The following DOCK1 variants were observed in gnomAD, a reference collection of about 807,000 sequenced individuals.
DOCK1 encodes the protein dedicator of cytokinesis 1, also known as dedicator of cytokinesis protein 1.
Under a neutral mutation model 262.7 loss-of-function variants are expected in DOCK1, and 138 were observed. The observed-to-expected ratio is 0.53, with a 90% CI of 0.46 to 0.61. The LOEUF (loss-of-function observed/expected upper bound fraction) is 0.61. Among genes scored for constraint, DOCK1 ranks in the 20% least tolerant of loss-of-function variants. The pLI is 0.00. For synonymous variants in DOCK1, 866 were observed against 867.4 expected (o/e 1.00, Z 0.03); for missense variants, 1,908 against 2,370.7 (o/e 0.80, Z 4.05).
chr10:127,196,563 C>T (rs2057170464), intron 27 of DOCK1, among the ~76,000 whole-genome samples: 1 of 146,670 alleles, frequency 6.8e-6, no homozygotes, highest in African/African-American at 2.5e-5. Context: ...GCCTGTGCGC[C>T]CGGCTGGCAC....
chr10:127,004,730 T>C (rs374165447), intron 10 of DOCK1, among the ~76,000 whole-genome samples: 9 of 144,378 alleles, frequency 6.2e-5, no homozygotes, highest in African/African-American at 2.3e-4. Flanking sequence ...CAGCCTGGGC[T>C]ACAGAGTCAT....
chr10:127,046,866 C>G (rs1226114889), intron 21 of DOCK1, among the ~76,000 whole-genome samples: 2 of 151,590 alleles, frequency 1.3e-5, no homozygotes, highest in African/African-American at 4.8e-5. Context: ...GTGTCTTATT[C>G]CATAACCTGA....
chr10:126,905,532 GC>G lies in DOCK1; in HGVS notation c.18del (p.Thr7ProfsTer33). Reference protein sequence around the residue: MTRWVPTKREEKYGVA... With the variant: MTRWVXTKREEKYGVA... Reference sequence around the variant, plus strand: ...CCGGCGGCGCCATGACGCGCTGGGTGCCCACCAAGCGCGAGGAGAAGTACGG... The same window carrying G: ...CCGGCGGCGCCATGACGCGCTGGGTGCCACCAAGCGCGAGGAGAAGTACGG... On this transcript the variant is annotated frameshift_variant, in exon 1 of 52. Coordinates refer to ENST00000623213, the MANE Select transcript of DOCK1 (RefSeq NM_001290223.2). LOFTEE classifies it high-confidence loss of function. 1.9e-6 allele frequency: 1 copy of G among 520,856 alleles called. No homozygotes were observed. The allele number at this position is 520,856 out of a possible 1,614,324, so 32.3% of individuals were successfully genotyped here.
In DOCK1 at chr10:127,175,268, G is replaced by C; in HGVS notation, c.2847+47504G>C. The C allele has an allele frequency of 1.9e-6, 3 of 1,614,068 alleles. No homozygotes were observed. The highest frequency in any genetic ancestry group is 2.5e-6 in the Non-Finnish European group (3 of 1,180,014). The stretch of plus-strand genomic sequence containing the variant: ...CCTGAATGACCCCCAAGAGCACTTT[G>C]ATGGTTTCTTGGCTTGAACTGATCA... On this transcript the variant is annotated intron_variant, in intron 27 of 51. Coordinates refer to ENST00000623213, the MANE Select transcript of DOCK1 (RefSeq NM_001290223.2). The surrounding 1 kb of genome is among the most constrained non-coding windows in gnomAD (Gnocchi z 6.3).
intron 1 of DOCK1, among the ~76,000 whole-genome samples, chr10:126,942,539 T>C (rs1212257611): frequency 1.3e-5 from 2 of 152,096 alleles, no homozygotes; most frequent in African/African-American, 4.8e-5. Flanking sequence ...GCGAGAGGAA[T>C]GGATGGAGCT....
intron 23 of DOCK1, among the ~76,000 whole-genome samples, chr10:127,086,275 G>A (rs942966828): frequency 2.0e-5 from 3 of 147,590 alleles, no homozygotes; most frequent in African/African-American, 7.6e-5. Context: ...TCTTCATTAT[G>A]TGACCACCCA....
At chr10:127,189,982 C>T (rs1178630644) in intron 27 of DOCK1, among the ~76,000 whole-genome samples, 1 of 152,116 alleles carries the variant, frequency 6.6e-6, no homozygotes, top group African/African-American at 2.4e-5. Context: ...CATGCTGGCC[C>T]GATGAACTCT....
chr10:127,082,053 A>G (rs950933217), intron 23 of DOCK1, among the ~76,000 whole-genome samples: 4 of 152,046 alleles, frequency 2.6e-5, no homozygotes, highest in Admixed American at 2.0e-4. Context: ...ATCCATCCCT[A>G]AACTACAGGA....
At chr10:127,324,525 T>TG (rs2062675584) in intron 29 of DOCK1, among the ~76,000 whole-genome samples, 1 of 152,132 alleles carries the variant, frequency 6.6e-6, no homozygotes. Flanking sequence ...ATTTTGCAGA[T>TG]GTGGCGGCTG....
At position 126,970,611 on chromosome 10, in the gene DOCK1, A is replaced by G. The variant is rs138737775; in HGVS notation, c.47-91A>G. On this transcript the variant is annotated intron_variant, in intron 1 of 51. Transcript: ENST00000623213. ...AGCGACTGAATGTATTTCAATATTA[A>G]AAACAACAACATTAAAACAAGCCAA... 3.7e-5 allele frequency: 36 copies of G among 984,222 alleles called. No individual in the cohort carries two copies. The East Asian group carries it at 9.3e-4, about 25-fold the overall frequency. 61.0% of individuals were successfully genotyped at this position (984,222 alleles called of 1,614,324 possible). A position where few individuals can be genotyped will look rare whatever the true frequency, so the allele number is the denominator to read the frequency against.
In DOCK1 at chr10:127,132,605, C is replaced by T. The variant is rs118101941; in HGVS notation, c.2847+4841C>T. 4.5e-4 allele frequency among the ~76,000 whole-genome samples: 68 copies of T among 152,236 alleles called. No homozygotes were observed. The East Asian group carries it at 0.012, about 26-fold the overall frequency. On this transcript the variant is annotated intron_variant, in intron 27 of 51. Transcript: ENST00000623213. Reference sequence around the variant, plus strand: ...ACACACGGATCTGAGCAGGTGACCGCGGCTGGGATAGGTGCTGTTGTGTTG... The same window carrying T: ...ACACACGGATCTGAGCAGGTGACCGTGGCTGGGATAGGTGCTGTTGTGTTG...
At chr10:127,060,174 G>A (rs187177514) in intron 22 of DOCK1, among the ~76,000 whole-genome samples, 23 of 152,112 alleles carry the variant, frequency 1.5e-4, no homozygotes, top group Non-Finnish European at 2.6e-4. Context: ...AGAGGTTTTC[G>A]TTTTGGTTTT....
chr10:127,418,349 T>G lies in DOCK1; in HGVS notation c.4516-16T>G, dbSNP rs1325745996. On this transcript the variant is annotated splice_polypyrimidine_tract_variant and intron_variant, in intron 44 of 51. Transcript: ENST00000623213. Reference sequence around the variant, plus strand: ...CAGCTGTGGGGCTGACATCGGGCTCTCCTCTCTCTTTGCAGGTGGAAATCA... The same window carrying G: ...CAGCTGTGGGGCTGACATCGGGCTCGCCTCTCTCTTTGCAGGTGGAAATCA... 13 of 1,595,776 alleles carry G rather than the reference T, an allele frequency of 8.1e-6. No homozygotes were observed. Among genetic ancestry groups the G allele is most frequent in the Non-Finnish European group, 1.1e-5 (13 of 1,169,332 alleles).
intron 29 of DOCK1, among the ~76,000 whole-genome samples, chr10:127,298,613 T>G (rs1236319472): frequency 6.6e-6 from 1 of 152,190 alleles, no homozygotes; most frequent in African/African-American, 2.4e-5. Context: ...TGCTGTCTGC[T>G]CCTGAGCAAG....
intron 11 of DOCK1, among the ~76,000 whole-genome samples, chr10:127,009,248 ACTG>A (rs1162139689): frequency 6.6e-6 from 1 of 152,140 alleles, no homozygotes; most frequent in Non-Finnish European, 1.5e-5. Flanking sequence ...ATATAATCAC[ACTG>A]CTGATTTTTG....
intron 27 of DOCK1, among the ~76,000 whole-genome samples, chr10:127,149,493 A>G (rs2052266250): frequency 6.6e-6 from 1 of 152,206 alleles, no homozygotes; most frequent in African/African-American, 2.4e-5. Context: ...CCCATTTATT[A>G]CAGGCCTGTG....
intron 27 of DOCK1, among the ~76,000 whole-genome samples, chr10:127,199,868 AT>A (rs2057375100): frequency 1.3e-5 from 2 of 152,164 alleles, no homozygotes; most frequent in Admixed American, 6.5e-5. Flanking sequence ...ATGCTCCCCA[AT>A]AACCCTTACC....
rs78431776 is a variant in DOCK1, at chr10:126,980,215, C to T, written c.172-1703C>T. Reference sequence around the variant, plus strand: ...AGTTAATGTTTTATTTTTTTGGAGACAGGGTCTCACTTTGTGGCTCAGACT... The same window carrying T: ...AGTTAATGTTTTATTTTTTTGGAGATAGGGTCTCACTTTGTGGCTCAGACT... On this transcript the variant is annotated intron_variant, in intron 3 of 51. Transcript: ENST00000623213. Among the ~76,000 whole-genome samples the T allele has an allele frequency of 3.4e-3, 512 of 152,118 alleles. 6 individuals are homozygous for T. Among genetic ancestry groups the T allele is most frequent in the African/African-American group, 0.012 (490 of 41,476 alleles).
At position 127,031,684 on chromosome 10, in the gene DOCK1, A is replaced by G; in HGVS notation, c.1659A>G (p.Ala553=). 6.2e-7 allele frequency: 1 copy of G among 1,612,644 alleles called. No individual in the cohort carries two copies. Among genetic ancestry groups the G allele is most frequent in the Non-Finnish European group, 8.5e-7 (1 of 1,179,738 alleles). ...AATCTGAGAAAATATTTGCACTAGC[A>G]TTTGTCAAGCTGATGAGATACGATG... The part of the protein sequence containing the change: ...KDKSEKIFAL[A]FVKLMRYDGT... The change falls in exon 17 of 52, where the codon GCA becomes GCG. Residue 553 remains alanine, a synonymous_variant. Coordinates refer to ENST00000623213, the MANE Select transcript of DOCK1 (RefSeq NM_001290223.2).
Sources: allele counts gnomAD v4.1 joint callset (sites outside exome capture counted in the v4.1 genomes callset), GRCh38; gene constraint gnomAD v4.1.1; non-coding constraint Gnocchi (gnomAD v3.1); transcripts MANE v1.5; gene names NCBI Gene and HGNC (gene_info 2026-07-23, HGNC 2026-07-21).